CHRM3: variants seen among roughly 807,000 people sequenced by gnomAD.
CHRM3 encodes the protein muscarinic acetylcholine receptor M3.
CHRM3 carries 11 observed loss-of-function variants against 41.8 expected under a neutral mutation model. The observed-to-expected ratio is 0.26, with a 90% confidence interval of 0.17 to 0.44. The LOEUF is 0.44. Ranked by LOEUF, CHRM3 falls within the 20% of genes least tolerant of loss-of-function variation. CHRM3 has a pLI of 1.00. For missense variants in CHRM3, 571 were observed against 745.4 expected, an observed-to-expected ratio of 0.77 and a Z score of 2.72; for synonymous variants, 297 against 301.4, an observed-to-expected ratio of 0.99 and a Z score of 0.15.
At position 239,610,217 on chromosome 1, in the gene CHRM3, A is replaced by G. The variant is rs550199281; in HGVS notation, c.-312-22007A>G. Among the ~76,000 whole-genome samples the G allele has an allele frequency of 7.0e-4, 104 of 149,554 alleles. No homozygotes were observed. In the East Asian group the frequency reaches 0.02, roughly 29 times the overall value. Reference sequence around the variant, plus strand: ...AAAAAAAAAAAAAAAAAAAAGGACTATAAAACAGGCAATCTTTTGTGGTTT... The same window carrying G: ...AAAAAAAAAAAAAAAAAAAAGGACTGTAAAACAGGCAATCTTTTGTGGTTT... On this transcript the variant is annotated intron_variant, in intron 3 of 6. Transcript: ENST00000676153.
intron 5 of CHRM3, among the ~76,000 whole-genome samples, chr1:239,717,817 G>GT (rs943590541): frequency 5.1e-4 from 77 of 152,114 alleles, no homozygotes; most frequent in African/African-American, 1.8e-3. Flanking sequence ...CTCAAGTGAC[G>GT]TGTCCTGCTC....
chr1:239,666,877 A>G (rs771159059), intron 4 of CHRM3, among the ~76,000 whole-genome samples: 1 of 152,108 alleles, frequency 6.6e-6, no homozygotes, highest in Non-Finnish European at 1.5e-5. Flanking sequence ...TATGTCCATG[A>G]GTACACAATG....
chr1:239,399,539 T>C (rs1659785352), intron 1 of CHRM3, among the ~76,000 whole-genome samples: 3 of 152,180 alleles, frequency 2.0e-5, no homozygotes, highest in Admixed American at 1.3e-4. Flanking sequence ...ACTCCCATTC[T>C]ACTCTTCATC....
At chr1:239,537,134 T>C (rs1165348582) in intron 2 of CHRM3, among the ~76,000 whole-genome samples, 1 of 152,214 alleles carries the variant, frequency 6.6e-6, no homozygotes, top group Non-Finnish European at 1.5e-5. Flanking sequence ...TCCTCCAGTC[T>C]AGACGTCTCC....
intron 6 of CHRM3, among the ~76,000 whole-genome samples, chr1:239,904,396 A>G (rs957495231): frequency 6.6e-6 from 1 of 152,214 alleles, no homozygotes; most frequent in Admixed American, 6.5e-5. Flanking sequence ...GTAGTTATTA[A>G]CCTCAGAGAC....
In CHRM3 at chr1:239,391,186, A is replaced by C. The variant is rs1428894035; in HGVS notation, c.-521+3959A>C. Among the ~76,000 whole-genome samples the C allele has an allele frequency of 2.0e-5, 3 of 152,208 alleles. No homozygotes were observed. The East Asian group carries it at 5.8e-4, about 29-fold the overall frequency. On this transcript the variant is annotated intron_variant, in intron 1 of 6. Transcript: ENST00000676153. The stretch of plus-strand genomic sequence containing the variant: ...AATTTTGGTTTGGTGAAGCAATTGA[A>C]AATATTAAACCATAATGTGGCTTAT...
intron 3 of CHRM3, 71 bp downstream of exon 3, chr1:239,545,820 A>G (rs1659232265): frequency 6.6e-6 from 1 of 152,164 alleles, no homozygotes; most frequent in Non-Finnish European, 1.5e-5. Flanking sequence ...ACCTACTTTT[A>G]TAATGAAAAA....
At chr1:239,496,170 GA>G (rs1458525033) in intron 2 of CHRM3, among the ~76,000 whole-genome samples, 4 of 151,978 alleles carry the variant, frequency 2.6e-5, no homozygotes, top group African/African-American at 9.7e-5. Flanking sequence ...AGAAATGATT[GA>G]GGGGGCAAAC....
chr1:239,461,652 G>A (rs946437685), intron 1 of CHRM3, among the ~76,000 whole-genome samples: 1 of 151,692 alleles, frequency 6.6e-6, no homozygotes, highest in Non-Finnish European at 1.5e-5. Context: ...GCTCCCTGGT[G>A]GTCTCTCTGG....
chr1:239,912,361 G>A lies in CHRM3; in HGVS notation c.*3137G>A, dbSNP rs1027181476. ...CTCCTAGTCACCCTTTGCCTCTTAA[G>A]CCCAGCCTTGACTCTCTACATATTT... On this transcript the variant is annotated 3_prime_UTR_variant, in exon 7 of 7. Coordinates refer to ENST00000676153, the MANE Select transcript of CHRM3 (RefSeq NM_001375978.1). The A allele has an allele frequency of 6.0e-6, 1 of 167,138 alleles. No homozygotes were observed. Among genetic ancestry groups the A allele is most frequent in the Non-Finnish European group, 1.5e-5 (1 of 68,212 alleles). 10.4% of individuals were successfully genotyped at this position (167,138 alleles called of 1,614,324 possible).
chr1:239,815,024 C>T (rs1235609926), intron 5 of CHRM3, among the ~76,000 whole-genome samples: 2 of 152,114 alleles, frequency 1.3e-5, no homozygotes, highest in Non-Finnish European at 2.9e-5. Flanking sequence ...GATTCACCTG[C>T]CTCGGCCTCC....
chr1:239,644,213 A>G (rs765683190), intron 4 of CHRM3, among the ~76,000 whole-genome samples: 1 of 152,206 alleles, frequency 6.6e-6, no homozygotes, highest in Non-Finnish European at 1.5e-5. Flanking sequence ...CTAAAAGAGC[A>G]TATCAGCTGC....
intron 3 of CHRM3, among the ~76,000 whole-genome samples, chr1:239,595,275 A>G (rs528441367): frequency 3.9e-5 from 6 of 152,208 alleles, no homozygotes; most frequent in Non-Finnish European, 8.8e-5. Flanking sequence ...ATATGCAAAT[A>G]TTATACCATT....
At chr1:239,576,443 T>C (rs1362263476) in intron 3 of CHRM3, among the ~76,000 whole-genome samples, 2 of 152,138 alleles carry the variant, frequency 1.3e-5, no homozygotes, top group Non-Finnish European at 2.9e-5. Flanking sequence ...TGAGTGAATA[T>C]GAAATTTCAA....
intron 5 of CHRM3, among the ~76,000 whole-genome samples, chr1:239,763,571 A>C (rs1666971104): frequency 6.6e-6 from 1 of 152,278 alleles, no homozygotes; most frequent in African/African-American, 2.4e-5. Flanking sequence ...ATATAGGCCA[A>C]AGTACTTTGA....
intron 1 of CHRM3, among the ~76,000 whole-genome samples, chr1:239,482,762 A>G (rs936511002): frequency 2.6e-4 from 40 of 152,326 alleles, no homozygotes; most frequent in Admixed American, 2.4e-3. Flanking sequence ...TTTATCCATT[A>G]TGGCCGGTAC....
intron 2 of CHRM3, among the ~76,000 whole-genome samples, chr1:239,493,259 G>A (rs571971122): frequency 8.6e-4 from 131 of 152,256 alleles, no homozygotes; most frequent in Non-Finnish European, 1.5e-3. Context: ...ATTCACACAG[G>A]TTGACCAATA....
chr1:239,462,692 T>C (rs931187520), intron 1 of CHRM3, among the ~76,000 whole-genome samples: 19 of 152,236 alleles, frequency 1.2e-4, no homozygotes, highest in African/African-American at 3.6e-4. Context: ...AGATTTACTT[T>C]TTGTACATAC....
At chr1:239,839,323 G>A (rs1401686062) in intron 6 of CHRM3, among the ~76,000 whole-genome samples, 1 of 152,200 alleles carries the variant, frequency 6.6e-6, no homozygotes, top group African/African-American at 2.4e-5. Flanking sequence ...TTGTTACGGA[G>A]TGCATGCAGT....
Sources: allele counts gnomAD v4.1 joint callset (sites outside exome capture counted in the v4.1 genomes callset), GRCh38; gene constraint gnomAD v4.1.1; transcripts MANE v1.5; gene names NCBI Gene and HGNC (gene_info 2026-07-23, HGNC 2026-07-21).